The following GDAP1 variants were observed in gnomAD, a reference collection of about 807,000 sequenced individuals.
GDAP1 encodes ganglioside-induced differentiation-associated protein 1.
GDAP1 carries 34 observed loss-of-function variants against 40.1 expected under a neutral mutation model. The ratio of observed to expected loss-of-function variants is 0.85; its 90% CI spans 0.64 to 1.13. The LOEUF (loss-of-function observed/expected upper bound fraction) is 1.13, where lower values mean the gene tolerates loss of function less well. Among genes scored for constraint, GDAP1 ranks in the 50% most tolerant of loss-of-function variants. The probability of loss-of-function intolerance (pLI) is 0.00; values close to 1 mark genes in which losing one functional copy is unlikely to be tolerated. For synonymous variants in GDAP1, 170 were observed against 157.4 expected (o/e 1.08, Z -0.60); for missense variants, 374 against 433.7 (o/e 0.86, Z 1.22).
intron 2 of GDAP1, among the ~76,000 whole-genome samples, chr8:74,382,078 G>C (rs906969080): frequency 6.6e-6 from 1 of 151,782 alleles, no homozygotes; most frequent in African/African-American, 2.4e-5. Flanking sequence ...GACTAATGAG[G>C]GTTTTCTTGG....
At chr8:74,430,763 A>C (rs4335122) in intron 2 of GDAP1, among the ~76,000 whole-genome samples, 80,026 of 151,082 alleles carry the variant, frequency 0.53, 21,596 homozygotes, top group South Asian at 0.69. Flanking sequence ...AGTTAGGAGC[A>C]CACCTTCACA....
rs1409848847 is a variant in GDAP1, at chr8:74,416,333, G to A, written c.165+65012G>A. ...TGAGACGCCATTGAGCCTCCCCTGGGTAACATGAGGCATGCACAAATCTCT... is the reference window on the plus strand; with the variant it reads ...TGAGACGCCATTGAGCCTCCCCTGGATAACATGAGGCATGCACAAATCTCT... On this transcript the variant is annotated intron_variant, in intron 2 of 2. Transcript: ENST00000523640. 2.0e-5 allele frequency among the ~76,000 whole-genome samples: 3 copies of A among 150,142 alleles called. No individual in the cohort carries two copies. In the South Asian group the frequency reaches 6.2e-4, roughly 31 times the overall value.
chr8:74,357,210 A>G (rs183763842), intron 2 of GDAP1, among the ~76,000 whole-genome samples: 5 of 152,326 alleles, frequency 3.3e-5, no homozygotes, highest in African/African-American at 1.2e-4. Context: ...TGAAAGTTGT[A>G]CAAGTAGACC....
At chr8:74,421,057 TGATA>T (rs764412915) in intron 2 of GDAP1, among the ~76,000 whole-genome samples, 2 of 152,038 alleles carry the variant, frequency 1.3e-5, no homozygotes, top group East Asian at 1.9e-4. Flanking sequence ...GATAGATAGA[TGATA>T]GATAGATAGA....
At chr8:74,445,480 T>A (rs1806216360) in intron 2 of GDAP1, among the ~76,000 whole-genome samples, 1 of 152,204 alleles carries the variant, frequency 6.6e-6, no homozygotes, top group South Asian at 2.1e-4. Flanking sequence ...ATATTTAGCC[T>A]GGTATTTTTT....
intron 2 of GDAP1, among the ~76,000 whole-genome samples, chr8:74,413,156 T>C (rs1805736766): frequency 6.9e-6 from 1 of 144,636 alleles, no homozygotes; most frequent in South Asian, 2.2e-4. Context: ...CTAAAAGTAA[T>C]GGAGAGGGGT....
intron 2 of GDAP1, among the ~76,000 whole-genome samples, chr8:74,429,199 G>A (rs1805995589): frequency 6.6e-6 from 1 of 152,110 alleles, no homozygotes; most frequent in South Asian, 2.1e-4. Context: ...CTTTATGGCA[G>A]CATGATTTAT....
chr8:74,391,000 C>G (rs762324910), intron 2 of GDAP1, among the ~76,000 whole-genome samples: 20 of 152,192 alleles, frequency 1.3e-4, no homozygotes, highest in Non-Finnish European at 2.6e-4. Context: ...AAACTGCCTA[C>G]TCAAGCCTCA....
intron 2 of GDAP1, among the ~76,000 whole-genome samples, chr8:74,459,564 G>T (rs1806375912): frequency 6.6e-6 from 1 of 152,096 alleles, no homozygotes; most frequent in African/African-American, 2.4e-5. Context: ...GTGAAGTCAG[G>T]GTGAATCAGG....
intron 2 of GDAP1, among the ~76,000 whole-genome samples, chr8:74,377,153 T>C (rs557150146): frequency 2.6e-5 from 4 of 152,262 alleles, no homozygotes; most frequent in South Asian, 2.1e-4. Context: ...AAAAGATTAC[T>C]AGAAAGGACA....
intron 2 of GDAP1, among the ~76,000 whole-genome samples, chr8:74,435,890 A>G (rs1324867581): frequency 6.6e-6 from 1 of 152,222 alleles, no homozygotes; most frequent in Admixed American, 6.5e-5. Context: ...GACCAATGGG[A>G]GAAAGTACTC....
chr8:74,365,738 C>T lies in GDAP1; in HGVS notation c.*1371C>T, dbSNP rs1307404257. The T allele has an allele frequency of 2.2e-6, 1 of 454,546 alleles. No homozygotes were observed. Among genetic ancestry groups the T allele is most frequent in the African/African-American group, 2.0e-5 (1 of 50,130 alleles). The allele number at this position is 454,546 out of a possible 1,614,324, so 28.2% of individuals were successfully genotyped here. ...CTATTTTGATGCTGTAATTCCATTT[C>T]ATGACCTAGTTGTATTAGAAAACCT... On this transcript the variant is annotated 3_prime_UTR_variant, in exon 6 of 6. Coordinates refer to ENST00000220822, the MANE Select transcript of GDAP1 (RefSeq NM_018972.4).
At chr8:74,443,174 G>A (rs1355383268) in intron 2 of GDAP1, among the ~76,000 whole-genome samples, 1 of 152,140 alleles carries the variant, frequency 6.6e-6, no homozygotes, top group African/African-American at 2.4e-5. Flanking sequence ...CTGGAGTACT[G>A]GTATACCAGT....
At chr8:74,356,702 G>GTATATATATA (rs1165545008) in intron 2 of GDAP1, among the ~76,000 whole-genome samples, 7 of 68,166 alleles carry the variant, frequency 1.0e-4, no homozygotes, top group African/African-American at 4.0e-4. Context: ...TTGTGTGTGT[G>GTATATATATA]TATATATATA....
In GDAP1 at chr8:74,363,976, T is replaced by A. The variant is rs906225606; in HGVS notation, c.695-9T>A. The A allele has an allele frequency of 2.5e-5, 41 of 1,613,390 alleles. No homozygotes were observed. Among genetic ancestry groups the A allele is most frequent in the Non-Finnish European group, 3.3e-5 (39 of 1,179,418 alleles). ...GCCTCTAATTCTCTATGTCCCTTTCTCTAATTAGAAGAGGGCCAGCAACCT... is the reference window on the plus strand; with the variant it reads ...GCCTCTAATTCTCTATGTCCCTTTCACTAATTAGAAGAGGGCCAGCAACCT... On this transcript the variant is annotated splice_polypyrimidine_tract_variant and intron_variant, in intron 5 of 5. Coordinates refer to ENST00000220822, the MANE Select transcript of GDAP1 (RefSeq NM_018972.4).
intron 2 of GDAP1, among the ~76,000 whole-genome samples, chr8:74,420,423 C>G (rs1805841212): frequency 6.6e-6 from 1 of 152,138 alleles, no homozygotes; most frequent in South Asian, 2.1e-4. Context: ...AAAGAGAACT[C>G]TAAGCTTCCT....
At chr8:74,434,218 C>G (rs1806061092) in intron 2 of GDAP1, among the ~76,000 whole-genome samples, 1 of 152,172 alleles carries the variant, frequency 6.6e-6, no homozygotes, top group South Asian at 2.1e-4. Context: ...ACTGTTCCCT[C>G]AGACTGTGCA....
intron 2 of GDAP1, among the ~76,000 whole-genome samples, chr8:74,466,917 A>AG (rs1230947180): frequency 6.6e-6 from 1 of 152,170 alleles, no homozygotes; most frequent in Non-Finnish European, 1.5e-5. Context: ...ACTCAGATAG[A>AG]GGGGAATAGA....
intron 2 of GDAP1, among the ~76,000 whole-genome samples, chr8:74,359,453 T>G (rs1809250235): frequency 6.6e-6 from 1 of 152,214 alleles, no homozygotes; most frequent in Admixed American, 6.5e-5. Context: ...AGAACCCACT[T>G]TCCAGAGATA....
Sources: allele counts gnomAD v4.1 joint callset (sites outside exome capture counted in the v4.1 genomes callset), GRCh38; gene constraint gnomAD v4.1.1; transcripts MANE v1.5; gene names NCBI Gene and HGNC (gene_info 2026-07-23, HGNC 2026-07-21).